SMG5: variants seen among roughly 807,000 people sequenced by gnomAD.
SMG5 encodes nonsense-mediated mRNA decay factor SMG5.
A neutral mutation model predicts 122.9 loss-of-function variants in SMG5; 53 were observed. The ratio of observed to expected loss-of-function variants is 0.43; its 90% CI spans 0.35 to 0.54. The LOEUF (loss-of-function observed/expected upper bound fraction) is 0.54. Among genes scored for constraint, SMG5 ranks in the 20% least tolerant of loss-of-function variants. The probability of loss-of-function intolerance (pLI) is 0.01; values close to 1 mark genes in which losing one functional copy is unlikely to be tolerated. For missense variants in SMG5, 1,153 were observed against 1,285.6 expected, an observed-to-expected ratio of 0.90 and a Z score of 1.58; for synonymous variants, 477 against 490.2, an observed-to-expected ratio of 0.97 and a Z score of 0.35.
Position 156,268,318 on chromosome 1 carries a change from T to C in SMG5, c.811A>G (p.Thr271Ala), listed in dbSNP as rs1412288628. 1 of 1,614,124 alleles carries C rather than the reference T, an allele frequency of 6.2e-7. No homozygotes were observed. Among genetic ancestry groups the C allele is most frequent in the African/African-American group, 1.3e-5 (1 of 75,022 alleles). Residue 271 changes from threonine (T) to alanine (A), a missense_variant, in exon 8 of 22, where the codon ACT (threonine) becomes GCT (alanine). Thr to Ala is a moderately conservative substitution (Grantham distance 58, BLOSUM62 0). This residue lies in a region of SMG5 where 631 missense variants were observed against 650.6 expected (regional missense o/e 0.97). Coordinates refer to ENST00000361813, the MANE Select transcript of SMG5 (RefSeq NM_015327.3). ...KMYHQLKKCETRKLSPGKKRC... is the reference protein window; with the variant it reads ...KMYHQLKKCEARKLSPGKKRC... ...TTTTTGCCAGGAGACAGTTTCCGAG[T>C]CTCACACTTCTTCAGTTGGTGGTAC...
At chr1:156,270,496 G>A (rs1357205804) in intron 7 of SMG5, among the ~76,000 whole-genome samples, 1 of 152,224 alleles carries the variant, frequency 6.6e-6, no homozygotes, top group Non-Finnish European at 1.5e-5. Context: ...ACTAGGAGAA[G>A]GCGGATTGCC....
intron 1 of SMG5, among the ~76,000 whole-genome samples, chr1:156,281,224 G>A (rs1191016992): frequency 6.6e-6 from 1 of 152,326 alleles, no homozygotes; most frequent in Non-Finnish European, 1.5e-5. Flanking sequence ...GTGCACACAG[G>A]TAAGCCACAC....
chr1:156,259,311 A>G (rs1457580751), intron 15 of SMG5, 148 bp from the exon 16 acceptor site: 2 of 831,432 alleles, frequency 2.4e-6, no homozygotes, highest in Non-Finnish European at 3.5e-6. Context: ...TTTGTGGTCT[A>G]TGGGGTGGGA....
rs1226321578 is a variant in SMG5, at chr1:156,280,124, A to G, written c.75-1090T>C. ...GGGAGACTCCAGGCACTAAGAGGTA[A>G]GTCTGTCATCACAGCAAAGAAAAAG... On this transcript the variant is annotated intron_variant, in intron 1 of 21. Coordinates refer to ENST00000361813, the MANE Select transcript of SMG5 (RefSeq NM_015327.3). Among the ~76,000 whole-genome samples the G allele has an allele frequency of 2.6e-5, 4 of 152,348 alleles. No homozygotes were observed. The East Asian group carries it at 7.7e-4, about 29-fold the overall frequency.
rs1033441707 is a variant in SMG5, at chr1:156,250,580, G to T, written c.*7C>A. ...GTCAGCCCCACTGCAGGGCCTGGGG[G>T]TCAGTATCAACCAATTTCCTTCCAC... On this transcript the variant is annotated 3_prime_UTR_variant, in exon 22 of 22. Coordinates refer to ENST00000361813, the MANE Select transcript of SMG5 (RefSeq NM_015327.3). 6.2e-7 allele frequency: 1 copy of T among 1,613,524 alleles called. No individual in the cohort carries two copies. The highest frequency in any genetic ancestry group is 1.7e-5 in the Admixed American group (1 of 60,018).
chr1:156,257,713 G>A (rs1661644657), intron 16 of SMG5, among the ~76,000 whole-genome samples: 1 of 152,088 alleles, frequency 6.6e-6, no homozygotes, highest in Admixed American at 6.6e-5. Flanking sequence ...GGAGTTTCTG[G>A]GGAGCTTTTG....
At chr1:156,272,226 A>C (rs1662468740) in intron 7 of SMG5, 94 bp downstream of exon 7, 4 of 1,130,370 alleles carry the variant, frequency 3.5e-6, no homozygotes, top group Non-Finnish European at 5.2e-6. Context: ...TATCTCAGCC[A>C]CAGCTAGAGG....
intron 1 of SMG5, among the ~76,000 whole-genome samples, chr1:156,281,743 C>A (rs562900197): frequency 2.1e-4 from 32 of 152,332 alleles, no homozygotes; most frequent in African/African-American, 7.5e-4. Flanking sequence ...AGTTTCCACG[C>A]TTCATCCTAT....
chr1:156,250,464 C>T lies in SMG5; in HGVS notation c.*123G>A, dbSNP rs570607861. 17 of 861,674 alleles carry T rather than the reference C, an allele frequency of 2.0e-5. No individual in the cohort carries two copies. In the South Asian group the frequency reaches 2.6e-4, roughly 13 times the overall value. 53.4% of individuals were successfully genotyped at this position (861,674 alleles called of 1,614,324 possible). A position where few individuals can be genotyped will look rare whatever the true frequency, so the allele number is the denominator to read the frequency against. On this transcript the variant is annotated 3_prime_UTR_variant, in exon 22 of 22. Coordinates refer to ENST00000361813, the MANE Select transcript of SMG5 (RefSeq NM_015327.3). ...TCCCTGCAGCCTCTGAGCAGCTAGG[C>T]CTCCCTCCTGTGTGCGTGCATGAGT...
At chr1:156,272,810 C>T (rs139998209) in intron 6 of SMG5, among the ~76,000 whole-genome samples, 7 of 151,992 alleles carry the variant, frequency 4.6e-5, no homozygotes, top group African/African-American at 1.7e-4. Flanking sequence ...GTGATCTGCC[C>T]GCCTCAGCCT....
chr1:156,287,827 A>G, the SMG5 span, among the ~76,000 whole-genome samples: 2 of 151,906 alleles, frequency 1.3e-5, no homozygotes, highest in African/African-American at 4.8e-5. Flanking sequence ...CATGTTGGCC[A>G]GGCAGTTCTT....
rs758778251 is a variant in SMG5 at position 156,259,009 on chromosome 1, C to T, written c.2438G>A (p.Arg813Gln). Residue 813 changes from arginine (R) to glutamine (Q), a missense_variant, in exon 16 of 22, where the codon CGA (arginine) becomes CAA (glutamine). Physicochemically the swap from Arg to Gln is conservative, Grantham distance 43 (BLOSUM62 1). Around this residue, in one of 5 missense-constraint regions of SMG5, gnomAD observed 140 missense variants for 227.8 expected, o/e 0.61. Coordinates refer to ENST00000361813, the MANE Select transcript of SMG5 (RefSeq NM_015327.3). Reference protein sequence around the residue: ...SLLQQAQAQFRMAQEEARRNR... With the variant: ...SLLQQAQAQFQMAQEEARRNR... ...GGAGGGGAAGGCCTGACTCACCATT[C>T]GGAACTGTGCCTGGGCCTGCTGCAG... is the stretch of plus-strand genomic sequence containing the variant. The T allele has an allele frequency of 1.3e-5, 21 of 1,613,612 alleles. No individual in the cohort carries two copies. The highest frequency in any genetic ancestry group is 1.6e-4 in the Middle Eastern group (1 of 6,080).
chr1:156,258,823 C>T (rs565718079), intron 16 of SMG5, among the ~76,000 whole-genome samples, 182 bp downstream of exon 16: 1 of 151,974 alleles, frequency 6.6e-6, no homozygotes, highest in African/African-American at 2.4e-5. Flanking sequence ...CTCTCAGTCC[C>T]TGTCTATCAG....
chr1:156,261,642 C>G (rs2103220023), intron 13 of SMG5, among the ~76,000 whole-genome samples: 1 of 152,238 alleles, frequency 6.6e-6, no homozygotes, highest in Admixed American at 6.5e-5. Context: ...AATCCCAGCA[C>G]TTTGGAAGGC....
rs1436500956 is a variant in SMG5 at position 156,249,837 on chromosome 1, G to A, written c.*750C>T. ...AGCACCTGTGGGGCTGGTGGGCACA[G>A]GAGACCGTGCTGGCACAGGCCAGAC... On this transcript the variant is annotated 3_prime_UTR_variant, in exon 22 of 22. Coordinates refer to ENST00000361813, the MANE Select transcript of SMG5 (RefSeq NM_015327.3). 4.2e-6 allele frequency: 2 copies of A among 471,146 alleles called. No individual in the cohort carries two copies. The highest frequency in any genetic ancestry group is 8.8e-6 in the Non-Finnish European group (2 of 227,084). 29.2% of individuals were successfully genotyped at this position (471,146 alleles called of 1,614,324 possible). A position where few individuals can be genotyped will look rare whatever the true frequency, so the allele number is the denominator to read the frequency against.
At position 156,272,300 on chromosome 1, in the gene SMG5, A is replaced by G. The variant is rs1662472311; in HGVS notation, c.713+20T>C. ...ATGCACACAAAAGCAGGGCTGGAAA[A>G]AGAGCTGGCAAATACTCACCAGCGC... On this transcript the variant is annotated intron_variant, in intron 7 of 21. Coordinates refer to ENST00000361813, the MANE Select transcript of SMG5 (RefSeq NM_015327.3). 1 of 1,578,064 alleles carries G rather than the reference A, an allele frequency of 6.3e-7. No individual in the cohort carries two copies. Among genetic ancestry groups the G allele is most frequent in the African/African-American group, 1.3e-5 (1 of 74,184 alleles).
chr1:156,271,566 GTTTTTTTTT>G (rs755111375), intron 7 of SMG5, among the ~76,000 whole-genome samples: 3 of 82,286 alleles, frequency 3.6e-5, no homozygotes, highest in African/African-American at 9.4e-5. Context: ...CCCTGAAGAG[GTTTTTTTTT>G]TTTTTTTTTT....
Position 156,273,253 on chromosome 1 carries a change from T to G in SMG5, c.634+108A>C, listed in dbSNP as rs1039665308. The G allele has an allele frequency of 4.7e-6, 4 of 844,400 alleles. No homozygotes were observed. In the East Asian group the frequency reaches 7.4e-5, roughly 16 times the overall value. The allele number at this position is 844,400 out of a possible 1,614,324, so 52.3% of individuals were successfully genotyped here. On this transcript the variant is annotated intron_variant, in intron 6 of 21. Coordinates refer to ENST00000361813, the MANE Select transcript of SMG5 (RefSeq NM_015327.3). Reference sequence around the variant, plus strand: ...AGGTGAAGTACGAGAGAGCTGAGAATGAAGAGGAGCTGGGGAAAATGAGTA... The same window carrying G: ...AGGTGAAGTACGAGAGAGCTGAGAAGGAAGAGGAGCTGGGGAAAATGAGTA...
At chr1:156,272,191 A>G in intron 7 of SMG5, 129 bp downstream of exon 7, 1 of 805,792 alleles carries the variant, frequency 1.2e-6, no homozygotes, top group Non-Finnish European at 2.0e-6. Flanking sequence ...CTGAATGGAG[A>G]GACCCTTCAA....
Sources: gnomAD v4.1 joint callset for allele counts (sites outside exome capture counted in the v4.1 genomes callset) on GRCh38, gnomAD v4.1.1 for gene constraint, gnomAD v4.1.1 regional missense constraint, MANE v1.5 for transcripts, NCBI Gene and HGNC (gene_info 2026-07-23, HGNC 2026-07-21) for gene names.